The following RFX4 variants were observed in gnomAD, a reference collection of about 807,000 sequenced individuals.
RFX4 encodes regulatory factor X4.
Under a neutral mutation model 95.0 loss-of-function variants are expected in RFX4, and 10 were observed. That is an observed-to-expected ratio of 0.11 (90% CI 0.06 to 0.18). RFX4 has a LOEUF of 0.18. Among genes scored for constraint, RFX4 ranks in the 10% least tolerant of loss-of-function variants. RFX4 has a pLI of 1.00. For missense variants in RFX4, 640 were observed against 922.0 expected, an observed-to-expected ratio of 0.69 and a Z score of 3.96; for synonymous variants, 321 against 340.7, an observed-to-expected ratio of 0.94 and a Z score of 0.64.
At chr12:106,738,881 G>C (rs1210948406) in intron 15 of RFX4, among the ~76,000 whole-genome samples, 1 of 152,080 alleles carries the variant, frequency 6.6e-6, no homozygotes, top group African/African-American at 2.4e-5. Flanking sequence ...ATTACGGTAG[G>C]CTTCTTAAAT....
intron 7 of RFX4, among the ~76,000 whole-genome samples, chr12:106,694,873 TA>T (rs2041850494): frequency 6.6e-6 from 1 of 151,750 alleles, no homozygotes; most frequent in African/African-American, 2.4e-5. Context: ...CGTCTCTACT[TA>T]AAAAATACAA....
At chr12:106,641,966 TC>T (rs2040634954) in intron 3 of RFX4, among the ~76,000 whole-genome samples, 1 of 88,240 alleles carries the variant, frequency 1.1e-5, no homozygotes, top group Non-Finnish European at 2.2e-5. Flanking sequence ...TATATCTATA[TC>T]TATCTATATC....
rs569357908 is a variant in RFX4 at position 106,700,499 on chromosome 12, C to T, written c.833+4053C>T. ...TCGGCTCACTGCAAGCTCCGCCTCC[C>T]GGGTTCACGCCATTCTCCTGCCTCA... On this transcript the variant is annotated intron_variant, in intron 8 of 17. Transcript: ENST00000392842. Among the ~76,000 whole-genome samples, 505 of 149,556 alleles carry T rather than the reference C, an allele frequency of 3.4e-3. 2 individuals carry two copies. Among genetic ancestry groups the T allele is most frequent in the Middle Eastern group, 6.9e-3 (2 of 290 alleles).
chr12:106,613,282 T>A (rs1315757945), intron 2 of RFX4, among the ~76,000 whole-genome samples: 1 of 150,842 alleles, frequency 6.6e-6, no homozygotes, highest in Non-Finnish European at 1.5e-5. Context: ...TCAAGAAATA[T>A]ATCCCATTTG....
intron 4 of RFX4, among the ~76,000 whole-genome samples, chr12:106,677,117 GT>G (rs930689321): frequency 6.6e-6 from 1 of 152,138 alleles, no homozygotes; most frequent in African/African-American, 2.4e-5. Context: ...ATGTAAAGTG[GT>G]TAGCACAGTG....
intron 5 of RFX4, chr12:106,684,784 A>AAG: frequency 1.3e-6 from 2 of 1,547,830 alleles, no homozygotes; most frequent in South Asian, 1.2e-5. Flanking sequence ...CGCTCAGCAC[A>AAG]AAGAATTTTC....
rs188758177 is a variant in RFX4 at position 106,722,289 on chromosome 12, T to C, written c.1351+1413T>C. 4.5e-3 allele frequency among the ~76,000 whole-genome samples: 691 copies of C among 152,332 alleles called. 4 individuals carry two copies. Among genetic ancestry groups the C allele is most frequent in the African/African-American group, 0.016 (668 of 41,570 alleles). On this transcript the variant is annotated intron_variant, in intron 13 of 17. Coordinates refer to ENST00000392842, the MANE Select transcript of RFX4 (RefSeq NM_213594.3). ...ACAATATCACACACAAACACACATA[T>C]CCACATCCACACAGCGAGCATCCTC...
chr12:106,698,828 T>C (rs1250164048), intron 8 of RFX4, among the ~76,000 whole-genome samples: 1 of 152,132 alleles, frequency 6.6e-6, no homozygotes, highest in Non-Finnish European at 1.5e-5. Flanking sequence ...TCAGTGTGAC[T>C]AGAAATTTTT....
At chr12:106,588,478 C>A (rs2039494511) in intron 1 of RFX4, among the ~76,000 whole-genome samples, 1 of 152,204 alleles carries the variant, frequency 6.6e-6, no homozygotes, top group African/African-American at 2.4e-5. Flanking sequence ...AGGAAAATCA[C>A]TCCACCCTCC....
chr12:106,739,031 TC>T (rs1274198815), intron 15 of RFX4, among the ~76,000 whole-genome samples: 1 of 99,406 alleles, frequency 1.0e-5, no homozygotes, highest in African/African-American at 2.9e-5. Context: ...TTTAAAATTA[TC>T]GCTTGACTTA....
At chr12:106,730,856 C>T (rs1178381006) in intron 13 of RFX4, among the ~76,000 whole-genome samples, 1 of 152,132 alleles carries the variant, frequency 6.6e-6, no homozygotes, top group African/African-American at 2.4e-5. Flanking sequence ...AAAACTTAGC[C>T]AGGCATGGTG....
chr12:106,591,261 CCTTTTTTTTT>C (rs1301492094), intron 1 of RFX4, among the ~76,000 whole-genome samples: 105 of 66,468 alleles, frequency 1.6e-3, no homozygotes, highest in Admixed American at 4.7e-3. Context: ...TAAAATAGTC[CCTTTTTTTTT>C]TTTTTTTTTT....
intron 1 of RFX4, among the ~76,000 whole-genome samples, chr12:106,598,763 G>A (rs891354235): frequency 6.6e-6 from 1 of 152,104 alleles, no homozygotes; most frequent in African/African-American, 2.4e-5. Flanking sequence ...AAGTAGAAAA[G>A]GCAATGATGT....
At chr12:106,643,646 A>G (rs187402451) in intron 3 of RFX4, among the ~76,000 whole-genome samples, 45 of 152,284 alleles carry the variant, frequency 3.0e-4, no homozygotes, top group African/African-American at 1.0e-3. Flanking sequence ...CGTGGGGTTG[A>G]GAGCTAAATC....
At chr12:106,751,675 C>G (rs2043008753) in intron 17 of RFX4, among the ~76,000 whole-genome samples, 1 of 151,022 alleles carries the variant, frequency 6.6e-6, no homozygotes, top group Non-Finnish European at 1.5e-5. Context: ...ATTTGCATTT[C>G]TCTGATGGCC....
chr12:106,633,405 T>C (rs1393087013), intron 2 of RFX4, among the ~76,000 whole-genome samples: 1 of 152,226 alleles, frequency 6.6e-6, no homozygotes, highest in Non-Finnish European at 1.5e-5. Context: ...TAAAACTTCT[T>C]CATAGCAATA....
At position 106,720,782 on chromosome 12, in the gene RFX4, C is replaced by A. The variant is rs781687038; in HGVS notation, c.1257C>A (p.Ser419=). 6.2e-7 allele frequency: 1 copy of A among 1,613,968 alleles called. No homozygotes were observed. Among genetic ancestry groups the A allele is most frequent in the Non-Finnish European group, 8.5e-7 (1 of 1,180,032 alleles). The part of the protein sequence containing the change: ...VVKVAAKRQG[S]LKKVAQQFLL... ...AGGTGGCTGCCAAGAGACAAGGGTCCTTGAAGAAAGTGGCCCAGCAGTTCC... is the reference window on the plus strand; with the variant it reads ...AGGTGGCTGCCAAGAGACAAGGGTCATTGAAGAAAGTGGCCCAGCAGTTCC... Residue 419 remains serine (S), a synonymous_variant, in exon 13 of 18, where the codon TCC becomes TCA. Transcript: ENST00000392842. This position sits in a 1 kb window ranked among gnomAD's most constrained non-coding sequence, Gnocchi z 4.2.
At chr12:106,632,956 C>T (rs1045236437) in intron 2 of RFX4, among the ~76,000 whole-genome samples, 1 of 152,220 alleles carries the variant, frequency 6.6e-6, no homozygotes, top group Non-Finnish European at 1.5e-5. Flanking sequence ...GCAGTGACTA[C>T]GTCTGTTTTT....
At chr12:106,718,356 T>C (rs1206606220) in intron 11 of RFX4, among the ~76,000 whole-genome samples, 1 of 152,236 alleles carries the variant, frequency 6.6e-6, no homozygotes, top group Non-Finnish European at 1.5e-5. Flanking sequence ...AGTGTTAGCA[T>C]AGTGAAGTGG....
Sources: gnomAD v4.1 joint callset for allele counts (sites outside exome capture counted in the v4.1 genomes callset) on GRCh38, gnomAD v4.1.1 for gene constraint, Gnocchi (gnomAD v3.1) non-coding constraint, MANE v1.5 for transcripts, NCBI Gene and HGNC (gene_info 2026-07-23, HGNC 2026-07-21) for gene names.